ACSS1: variants seen among roughly 807,000 people sequenced by gnomAD.
ACSS1 encodes acyl-CoA synthetase short chain family member 1, also known as acetyl-coenzyme A synthetase 2-like, mitochondrial.
In ACSS1, 42 loss-of-function variants were observed where a neutral mutation model predicts 75.3. The observed-to-expected ratio is 0.56, with a 90% CI of 0.44 to 0.72. The LOEUF (loss-of-function observed/expected upper bound fraction) is 0.72. ACSS1 is among the 30% of genes least tolerant of loss of function. ACSS1 has a pLI of 0.00. For synonymous variants in ACSS1, 380 were observed against 376.8 expected, an observed-to-expected ratio of 1.01 and a Z score of -0.10; for missense variants, 782 against 935.7, an observed-to-expected ratio of 0.84 and a Z score of 2.14.
chr20:25,013,010 T>G, intron 10 of ACSS1, 71 bp from the exon 11 acceptor site: 2 of 1,605,796 alleles, frequency 1.2e-6, no homozygotes, highest in Non-Finnish European at 1.7e-6. Flanking sequence ...TCAGTAAGCG[T>G]GAAGCTCTGC....
chr20:25,006,739 T>C lies in ACSS1; in HGVS notation c.*1023A>G. On this transcript the variant is annotated 3_prime_UTR_variant, in exon 14 of 14. Coordinates refer to ENST00000323482, the MANE Select transcript of ACSS1 (RefSeq NM_032501.4). ...AATGTTGACAGCACCTAAGTCACAT[T>C]AAAACAAAGAGAGACTGGATCCAGA... is the stretch of plus-strand genomic sequence containing the variant. The C allele has an allele frequency of 3.6e-6, 5 of 1,375,868 alleles. No homozygotes were observed. In the South Asian group the frequency reaches 6.7e-5, roughly 19 times the overall value. The allele number at this position is 1,375,868 out of a possible 1,614,324, so 85.2% of individuals were successfully genotyped here. A position where few individuals can be genotyped will look rare whatever the true frequency, so the allele number is the denominator to read the frequency against.
At chr20:25,047,686 C>G (rs1406297065) in intron 2 of ACSS1, among the ~76,000 whole-genome samples, 3 of 152,130 alleles carry the variant, frequency 2.0e-5, no homozygotes, top group African/African-American at 7.2e-5. Context: ...AACCAAGGTG[C>G]TGCACCAACA....
chr20:25,007,079 A>G lies in ACSS1; in HGVS notation c.*683T>C. 1.4e-6 allele frequency: 2 copies of G among 1,434,758 alleles called. No individual in the cohort carries two copies. The highest frequency in any genetic ancestry group is 9.1e-7 in the Non-Finnish European group (1 of 1,097,426). The allele number at this position is 1,434,758 out of a possible 1,614,324, so 88.9% of individuals were successfully genotyped here. On this transcript the variant is annotated 3_prime_UTR_variant, in exon 14 of 14. Transcript: ENST00000323482. Reference sequence around the variant, plus strand: ...AGCTCCATTATACACAACCAAGCACAGGAGAAACACTCACCAGGAAAAGAT... The same window carrying G: ...AGCTCCATTATACACAACCAAGCACGGGAGAAACACTCACCAGGAAAAGAT...
At position 25,022,934 on chromosome 20, in the gene ACSS1, C is replaced by T. The variant is rs1168125851; in HGVS notation, c.960+6G>A. ...AGGGCCCAGCACCGCCCGCACAGGC[C>T]TGTACCTTGTGAGTCAGGGCGGCAT... On this transcript the variant is annotated splice_donor_region_variant and intron_variant, in intron 5 of 13. Transcript: ENST00000323482. 2 of 1,611,118 alleles carry T rather than the reference C, an allele frequency of 1.2e-6. No individual in the cohort carries two copies. Among genetic ancestry groups the T allele is most frequent in the Non-Finnish European group, 1.7e-6 (2 of 1,179,038 alleles).
rs367877409 is a variant in ACSS1, at chr20:25,030,935, C to A, written c.455G>T (p.Arg152Leu). 5.0e-6 allele frequency: 8 copies of A among 1,614,086 alleles called. No homozygotes were observed. Among genetic ancestry groups the A allele is most frequent in the South Asian group, 1.1e-5 (1 of 91,062 alleles). Residue 152 changes from arginine (R) to leucine (L), a missense_variant, in exon 3 of 14, where the codon CGC (arginine) becomes CTC (leucine). By Grantham distance (102) the Arg-to-Leu change is moderately radical. This residue lies in a region of ACSS1 where 377 missense variants were observed against 383.1 expected (regional missense o/e 0.98). Coordinates refer to ENST00000323482, the MANE Select transcript of ACSS1 (RefSeq NM_032501.4). ...TYRELLETTC[R>L]LANTLKRHGV... Reference sequence around the variant, plus strand: ...ATGCCTCTTCAGCGTGTTGGCCAGGCGGCACGTGGTCTCCAGTAGTTCCCT... The same window carrying A: ...ATGCCTCTTCAGCGTGTTGGCCAGGAGGCACGTGGTCTCCAGTAGTTCCCT...
intron 1 of ACSS1, among the ~76,000 whole-genome samples, chr20:25,057,511 G>T (rs1440288466): frequency 6.6e-6 from 1 of 152,182 alleles, no homozygotes; most frequent in Non-Finnish European, 1.5e-5. Flanking sequence ...GGCCAGCAGC[G>T]GGGCGTCCCA....
intron 7 of ACSS1, among the ~76,000 whole-genome samples, chr20:25,018,361 T>C (rs1342746620): frequency 6.6e-6 from 1 of 152,240 alleles, no homozygotes; most frequent in Non-Finnish European, 1.5e-5. Context: ...CTGTTCATTA[T>C]AAATCACCCA....
In ACSS1 at chr20:25,007,037, C is replaced by T; in HGVS notation, c.*725G>A. 1 of 1,508,194 alleles carries T rather than the reference C, an allele frequency of 6.6e-7. No homozygotes were observed. The allele number at this position is 1,508,194 out of a possible 1,614,324, so 93.4% of individuals were successfully genotyped here. On this transcript the variant is annotated 3_prime_UTR_variant, in exon 14 of 14. Transcript: ENST00000323482. ...TCAGAACTAAGGCGGCCACATTCAC[C>T]CCACCGCTTAGGAGTTAGCTCCATT...
At chr20:25,049,117 G>A (rs1249597558) in intron 1 of ACSS1, among the ~76,000 whole-genome samples, 5 of 152,070 alleles carry the variant, frequency 3.3e-5, no homozygotes, top group Admixed American at 3.3e-4. Flanking sequence ...CAGATTCCAG[G>A]AAAAAATTAC....
At chr20:25,039,429 A>G (rs2088967286) in intron 2 of ACSS1, among the ~76,000 whole-genome samples, 1 of 152,232 alleles carries the variant, frequency 6.6e-6, no homozygotes, top group Non-Finnish European at 1.5e-5. Context: ...ATATAAATTT[A>G]TTCTAAGAAT....
chr20:25,033,776 C>T (rs2088867334), intron 2 of ACSS1, among the ~76,000 whole-genome samples: 2 of 152,276 alleles, frequency 1.3e-5, no homozygotes, highest in Non-Finnish European at 1.5e-5. Flanking sequence ...CTGGGGGTGG[C>T]AGGGAAGGGC....
At chr20:25,012,313 G>C in intron 12 of ACSS1, 1 of 495,752 alleles carries the variant, frequency 2.0e-6, no homozygotes, top group Non-Finnish European at 3.7e-6. Flanking sequence ...ATACACCATG[G>C]ACAGAAGGGG....
At chr20:25,016,973 T>C (rs1483756574) in intron 7 of ACSS1, among the ~76,000 whole-genome samples, 3 of 151,622 alleles carry the variant, frequency 2.0e-5, no homozygotes, top group South Asian at 2.1e-4. Context: ...CGAGGAAAAC[T>C]TCAGCTTTTT....
At chr20:25,046,848 G>A (rs189481756) in intron 2 of ACSS1, 2 of 779,764 alleles carry the variant, frequency 2.6e-6, no homozygotes, top group Admixed American at 3.4e-5. Context: ...TGGCCTATGG[G>A]CCACACGGCA....
chr20:25,028,980 T>G (rs1298518823), intron 3 of ACSS1, among the ~76,000 whole-genome samples: 1 of 152,016 alleles, frequency 6.6e-6, no homozygotes, highest in African/African-American at 2.4e-5. Context: ...TGGCAATGTT[T>G]TCTCAAATAA....
intron 2 of ACSS1, among the ~76,000 whole-genome samples, chr20:25,031,431 A>C (rs1474794475): frequency 6.6e-6 from 1 of 152,250 alleles, no homozygotes; most frequent in Non-Finnish European, 1.5e-5. Context: ...TATGCTTTTA[A>C]GATGATTATA....
At chr20:25,024,675 T>G (rs980590027) in intron 3 of ACSS1, among the ~76,000 whole-genome samples, 10 of 152,224 alleles carry the variant, frequency 6.6e-5, no homozygotes, top group African/African-American at 2.4e-4. Context: ...GAGCCACCAC[T>G]GCCCTACCAC....
intron 3 of ACSS1, among the ~76,000 whole-genome samples, chr20:25,030,148 C>G (rs187983820): frequency 7.9e-4 from 121 of 152,320 alleles, no homozygotes; most frequent in African/African-American, 2.8e-3. Flanking sequence ...AACCTGGCAC[C>G]TGCCTTGCGA....
intron 2 of ACSS1, among the ~76,000 whole-genome samples, chr20:25,034,769 T>C (rs1272369894): frequency 6.6e-6 from 1 of 152,132 alleles, no homozygotes; most frequent in African/African-American, 2.4e-5. Context: ...GGTTTCTCCA[T>C]GTTGGTCAGG....
Sources: allele counts gnomAD v4.1 joint callset (sites outside exome capture counted in the v4.1 genomes callset), GRCh38; gene constraint gnomAD v4.1.1; regional missense constraint gnomAD v4.1.1; transcripts MANE v1.5; gene names NCBI Gene and HGNC (gene_info 2026-07-23, HGNC 2026-07-21).